Variants in THSD4 observed in about 807,000 individuals in gnomAD.
The protein encoded by THSD4 is thrombospondin type-1 domain-containing protein 4.
A neutral mutation model predicts 119.0 loss-of-function variants in THSD4; 69 were observed. That is an observed-to-expected ratio of 0.58 (90% CI 0.48 to 0.71). The LOEUF (loss-of-function observed/expected upper bound fraction) is 0.71. Among genes scored for constraint, THSD4 ranks in the 30% least tolerant of loss-of-function variants. THSD4 has a pLI of 0.00. For missense variants in THSD4, 1,393 were observed against 1,391.1 expected (o/e 1.00, Z -0.02); for synonymous variants, 524 against 540.4 (o/e 0.97, Z 0.42).
chr15:71,395,211 C>T (rs1195259507), intron 6 of THSD4, among the ~76,000 whole-genome samples: 1 of 152,088 alleles, frequency 6.6e-6, no homozygotes, highest in Non-Finnish European at 1.5e-5. Flanking sequence ...CATGATGAAA[C>T]ATGTTGAAAG....
chr15:71,450,255 A>G (rs1183268124), intron 7 of THSD4, among the ~76,000 whole-genome samples: 2 of 152,164 alleles, frequency 1.3e-5, no homozygotes, highest in Non-Finnish European at 2.9e-5. Flanking sequence ...TGCCTGGAGG[A>G]AGCTTAGGCC....
chr15:71,279,782 T>C (rs2044630588), intron 6 of THSD4, among the ~76,000 whole-genome samples: 1 of 68,170 alleles, frequency 1.5e-5, no homozygotes. Context: ...CTTTTTCCCC[T>C]TTAAAAAAAA....
At chr15:71,292,554 C>T (rs915514737) in intron 6 of THSD4, among the ~76,000 whole-genome samples, 3 of 152,014 alleles carry the variant, frequency 2.0e-5, no homozygotes, top group East Asian at 1.9e-4. Context: ...ATTTTTATGA[C>T]CATGTAATTT....
Position 71,660,603 on chromosome 15 carries a change from C to T in THSD4, c.1226C>T (p.Thr409Met), listed in dbSNP as rs142908915. ...TGTGGGGTGTGTGGAGGAGACAACA[C>T]GGGCTGTCAGGTTGTGTCGGGCGTG... is the stretch of plus-strand genomic sequence containing the variant. ...DKCGVCGGDN[T>M]GCQVVSGVFK... The change falls in exon 8 of 18, where the codon ACG (threonine) becomes ATG (methionine). Residue 409 changes from threonine (T) to methionine (M), a missense_variant. Transcript: ENST00000261862. The T allele has an allele frequency of 1.1e-5, 18 of 1,614,144 alleles. No homozygotes were observed. The highest frequency in any genetic ancestry group is 7.7e-5 in the South Asian group (7 of 91,080).
chr15:71,406,481 G>A (rs2046607203), intron 6 of THSD4, among the ~76,000 whole-genome samples: 1 of 152,110 alleles, frequency 6.6e-6, no homozygotes, highest in African/African-American at 2.4e-5. Context: ...TTATTGATCT[G>A]CTGTAGATAT....
chr15:71,763,696 T>A (rs1185012210), intron 15 of THSD4, among the ~76,000 whole-genome samples: 1 of 151,998 alleles, frequency 6.6e-6, no homozygotes, highest in Non-Finnish European at 1.5e-5. Flanking sequence ...TTGCTCACCT[T>A]GGCCTCCCAA....
chr15:71,187,028 C>T (rs1296759637), intron 3 of THSD4: 1 of 152,182 alleles, frequency 6.6e-6, no homozygotes, highest in Non-Finnish European at 1.5e-5. Context: ...TTTTTCCATA[C>T]ATAGGGCATG....
At chr15:71,351,781 C>T (rs1181103314) in intron 6 of THSD4, among the ~76,000 whole-genome samples, 4 of 152,194 alleles carry the variant, frequency 2.6e-5, no homozygotes, top group African/African-American at 7.2e-5. Context: ...AACAAGTTTC[C>T]TTTCTGCAAC....
chr15:71,322,865 G>T (rs1207941474), intron 6 of THSD4, among the ~76,000 whole-genome samples: 1 of 152,110 alleles, frequency 6.6e-6, no homozygotes, highest in Non-Finnish European at 1.5e-5. Flanking sequence ...AAAAGGCTTA[G>T]GTGGGGGGAT....
intron 7 of THSD4, among the ~76,000 whole-genome samples, chr15:71,443,893 T>G (rs1214100529): frequency 6.6e-6 from 1 of 152,222 alleles, no homozygotes; most frequent in Non-Finnish European, 1.5e-5. Flanking sequence ...CTCATTTCAT[T>G]TTAAGAAAGG....
intron 6 of THSD4, among the ~76,000 whole-genome samples, chr15:71,384,277 C>G (rs1288182926): frequency 6.6e-6 from 1 of 152,064 alleles, no homozygotes; most frequent in African/African-American, 2.4e-5. Flanking sequence ...ACTCAGGAGG[C>G]TGAGGCAGGA....
intron 7 of THSD4, among the ~76,000 whole-genome samples, chr15:71,626,710 G>A (rs1180712508): frequency 2.0e-5 from 3 of 151,942 alleles, no homozygotes; most frequent in Admixed American, 6.6e-5. Context: ...TGATTATAAC[G>A]CATTACCACA....
chr15:71,233,866 G>A (rs1567164605), intron 4 of THSD4, among the ~76,000 whole-genome samples: 1 of 152,148 alleles, frequency 6.6e-6, no homozygotes, highest in Non-Finnish European at 1.5e-5. Flanking sequence ...TCAATTCAGG[G>A]TTTATGTTCA....
At chr15:71,641,998 T>A (rs1382041301) in intron 7 of THSD4, among the ~76,000 whole-genome samples, 1 of 152,176 alleles carries the variant, frequency 6.6e-6, no homozygotes, top group Non-Finnish European at 1.5e-5. Flanking sequence ...AGAAAGGAAG[T>A]GTCACAGACC....
At chr15:71,746,243 T>A (rs946427015) in intron 12 of THSD4, among the ~76,000 whole-genome samples, 25 of 151,790 alleles carry the variant, frequency 1.6e-4, no homozygotes, top group Non-Finnish European at 1.5e-5. Context: ...GTTTTTTTTT[T>A]AATTAGATAA....
chr15:71,752,821 C>G, intron 14 of THSD4, among the ~76,000 whole-genome samples: 1 of 152,162 alleles, frequency 6.6e-6, no homozygotes, highest in East Asian at 1.9e-4. Flanking sequence ...TTTGGGCCAC[C>G]AGTTGGTCTT....
At chr15:71,262,125 A>G (rs759841771) in intron 6 of THSD4, among the ~76,000 whole-genome samples, 2 of 152,186 alleles carry the variant, frequency 1.3e-5, no homozygotes, top group Non-Finnish European at 2.9e-5. Context: ...GCGCTCATTC[A>G]GTGCAATGCC....
intron 7 of THSD4, among the ~76,000 whole-genome samples, chr15:71,446,609 T>C (rs536215047): frequency 2.6e-5 from 4 of 152,318 alleles, no homozygotes; most frequent in South Asian, 2.1e-4. Flanking sequence ...GAAAATCCAA[T>C]GCAAAGGCTT....
chr15:71,254,992 C>T (rs2044298350), intron 5 of THSD4, among the ~76,000 whole-genome samples: 1 of 152,182 alleles, frequency 6.6e-6, no homozygotes, highest in Admixed American at 6.5e-5. Flanking sequence ...CCAGCAGCCT[C>T]CCCAACTGCG....
Sources: allele counts gnomAD v4.1 joint callset (sites outside exome capture counted in the v4.1 genomes callset), GRCh38; gene constraint gnomAD v4.1.1; transcripts MANE v1.5; gene names NCBI Gene and HGNC (gene_info 2026-07-23, HGNC 2026-07-21).